MRPS35: variants seen among roughly 807,000 people sequenced by gnomAD.
The protein encoded by MRPS35 is small ribosomal subunit protein mS35.
In MRPS35, 29 loss-of-function variants were observed where a neutral mutation model predicts 32.7. The observed-to-expected ratio is 0.89, with a 90% CI of 0.66 to 1.21. The LOEUF is 1.21. Ranked by LOEUF, MRPS35 falls within the 50% of genes most tolerant of loss-of-function variation. The pLI, the probability that MRPS35 is intolerant of heterozygous loss-of-function variation, is 0.00. For missense variants in MRPS35, 373 were observed against 383.8 expected (o/e 0.97, Z 0.23); for synonymous variants, 148 against 139.3 (o/e 1.06, Z -0.44).
intron 4 of MRPS35, among the ~76,000 whole-genome samples, chr12:27,720,876 G>A (rs1049442759): frequency 6.6e-6 from 1 of 151,548 alleles, no homozygotes; most frequent in Admixed American, 6.6e-5. Flanking sequence ...TTAACTCATG[G>A]TTCTGTGTAT....
intron 7 of MRPS35, among the ~76,000 whole-genome samples, chr12:27,738,387 T>G (rs925886262): frequency 3.3e-5 from 5 of 152,220 alleles, no homozygotes; most frequent in Non-Finnish European, 7.4e-5. Context: ...TTTTGGATTT[T>G]CAAGCATTTC....
In MRPS35 at chr12:27,716,419, C is replaced by T. The variant is rs1171541376; in HGVS notation, c.282C>T (p.Gly94=). The part of the protein sequence containing the change: ...PVRMGYPVKK[G]VPMAKEGNLE... ...GAATGGGTTATCCAGTAAAAAAGGGCGTGCCCATGGCAAAGGAGGGAAATC... is the reference window on the plus strand; with the variant it reads ...GAATGGGTTATCCAGTAAAAAAGGGTGTGCCCATGGCAAAGGAGGGAAATC... Residue 94 remains glycine (G), a synonymous_variant, in exon 3 of 8, where the codon GGC becomes GGT. Coordinates refer to ENST00000081029, the MANE Select transcript of MRPS35 (RefSeq NM_021821.4). 11 of 1,614,050 alleles carry T rather than the reference C, an allele frequency of 6.8e-6. No individual in the cohort carries two copies. Among genetic ancestry groups the T allele is most frequent in the African/African-American group, 1.3e-5 (1 of 75,024 alleles).
intron 5 of MRPS35, 133 bp downstream of exon 5, chr12:27,724,319 G>A: frequency 1.4e-6 from 1 of 714,776 alleles, no homozygotes; most frequent in Non-Finnish European, 2.0e-6. Flanking sequence ...TGGGAGAATT[G>A]CTTGAGCCCA....
At chr12:27,738,415 A>G (rs1424340582) in intron 7 of MRPS35, among the ~76,000 whole-genome samples, 1 of 152,196 alleles carries the variant, frequency 6.6e-6, no homozygotes, top group Non-Finnish European at 1.5e-5. Context: ...AGATTTTCAG[A>G]TTAGTAATGC....
At chr12:27,720,988 A>G (rs751861659) in intron 4 of MRPS35, among the ~76,000 whole-genome samples, 1 of 152,190 alleles carries the variant, frequency 6.6e-6, no homozygotes, top group Non-Finnish European at 1.5e-5. Context: ...GTCTTAATAT[A>G]CTCATGCTGA....
intron 4 of MRPS35, among the ~76,000 whole-genome samples, chr12:27,722,907 A>G (rs191711609): frequency 1.2e-4 from 18 of 152,314 alleles, no homozygotes; most frequent in African/African-American, 4.1e-4. Context: ...TGTTCCTATT[A>G]TAAGAAAATC....
At chr12:27,743,715 T>C in intron 7 of MRPS35, among the ~76,000 whole-genome samples, 1 of 152,188 alleles carries the variant, frequency 6.6e-6, no homozygotes, top group East Asian at 1.9e-4. Context: ...TGAGCTATCA[T>C]AACAAATTAC....
In MRPS35 at chr12:27,720,008, G is replaced by A; in HGVS notation, c.382+140G>A. Reference sequence around the variant, plus strand: ...CATGTCAAGTCTGCAAATTGTTTTTGCTAACCACTACAAGGTATTAGGAAT... The same window carrying A: ...CATGTCAAGTCTGCAAATTGTTTTTACTAACCACTACAAGGTATTAGGAAT... On this transcript the variant is annotated intron_variant, in intron 4 of 7. Coordinates refer to ENST00000081029, the MANE Select transcript of MRPS35 (RefSeq NM_021821.4). 3 of 623,482 alleles carry A rather than the reference G, an allele frequency of 4.8e-6. No homozygotes were observed. In the South Asian group the frequency reaches 6.1e-5, roughly 13 times the overall value. The allele number at this position is 623,482 out of a possible 1,614,324, so 38.6% of individuals were successfully genotyped here.
chr12:27,733,616 AT>A (rs569654640), intron 5 of MRPS35, among the ~76,000 whole-genome samples: 299 of 152,292 alleles, frequency 2.0e-3, no homozygotes, highest in Non-Finnish European at 3.2e-3. Flanking sequence ...ATATTTGTGT[AT>A]TCATAATCAT....
At chr12:27,714,885 A>G in intron 2 of MRPS35, 65 bp downstream of exon 2, 1 of 1,387,688 alleles carries the variant, frequency 7.2e-7, no homozygotes. Flanking sequence ...GCAGATATTC[A>G]TTATAAGGCA....
rs140355712 is a variant in MRPS35, at chr12:27,710,926, C to G, written c.83C>G (p.Ser28Trp). 8.7e-6 allele frequency: 14 copies of G among 1,613,290 alleles called. No individual in the cohort carries two copies. In the African/African-American group the frequency reaches 1.6e-4, roughly 18 times the overall value. Reference sequence around the variant, plus strand: ...CGTGCATTCTCCACTGCCGTCTACTCGGCCACTCCGGTCCCGACACCTAGC... The same window carrying G: ...CGTGCATTCTCCACTGCCGTCTACTGGGCCACTCCGGTCCCGACACCTAGC... ...TLRAFSTAVY[S>W]ATPVPTPSLP... The change falls in exon 1 of 8, where the codon TCG becomes TGG. Residue 28 changes from serine to tryptophan, a missense_variant. Ser to Trp is a radical substitution (Grantham distance 177). Coordinates refer to ENST00000081029, the MANE Select transcript of MRPS35 (RefSeq NM_021821.4).
At chr12:27,728,602 A>C (rs1277364093) in intron 5 of MRPS35, among the ~76,000 whole-genome samples, 1 of 152,154 alleles carries the variant, frequency 6.6e-6, no homozygotes, top group African/African-American at 2.4e-5. Flanking sequence ...TTGCCTTACA[A>C]AATGGTATTT....
intron 5 of MRPS35, chr12:27,725,645 C>T: frequency 5.3e-6 from 1 of 187,980 alleles, no homozygotes; most frequent in Admixed American, 5.8e-5. Flanking sequence ...CACCAACCTA[C>T]ATATTACCTG....
chr12:27,731,537 A>T (rs1356737955), intron 5 of MRPS35, among the ~76,000 whole-genome samples: 1 of 152,166 alleles, frequency 6.6e-6, no homozygotes, highest in Non-Finnish European at 1.5e-5. Context: ...AGGTTTCAGT[A>T]TCAGGGCTGT....
intron 7 of MRPS35, among the ~76,000 whole-genome samples, chr12:27,748,549 T>C (rs1382001586): frequency 1.3e-5 from 2 of 152,094 alleles, no homozygotes; most frequent in African/African-American, 4.8e-5. Flanking sequence ...GACAAATTAA[T>C]TGAATTCTTT....
intron 1 of MRPS35, among the ~76,000 whole-genome samples, chr12:27,714,436 A>T (rs1471531321): frequency 6.6e-6 from 1 of 151,982 alleles, no homozygotes; most frequent in Non-Finnish European, 1.5e-5. Flanking sequence ...AAATACAAAA[A>T]TTAGCCAGGT....
chr12:27,713,784 T>C (rs1231172862), intron 1 of MRPS35, among the ~76,000 whole-genome samples: 1 of 152,114 alleles, frequency 6.6e-6, no homozygotes, highest in Non-Finnish European at 1.5e-5. Flanking sequence ...TCCAGTCAAA[T>C]TGACACAAAG....
intron 5 of MRPS35, 28 bp downstream of exon 5, chr12:27,724,214 TA>T (rs2061890222): frequency 1.3e-6 from 2 of 1,495,910 alleles, no homozygotes; most frequent in Non-Finnish European, 1.8e-6. Flanking sequence ...TTTTTTTTTT[TA>T]AATAAGAATC....
At chr12:27,723,442 C>T (rs977635638) in intron 4 of MRPS35, among the ~76,000 whole-genome samples, 1 of 152,244 alleles carries the variant, frequency 6.6e-6, no homozygotes, top group South Asian at 2.1e-4. Context: ...TTTCTTCTTT[C>T]CATTTAACCC....
Sources: gnomAD v4.1 joint callset for allele counts (sites outside exome capture counted in the v4.1 genomes callset) on GRCh38, gnomAD v4.1.1 for gene constraint, MANE v1.5 for transcripts, NCBI Gene and HGNC (gene_info 2026-07-23, HGNC 2026-07-21) for gene names.